Variants in AKAP6 observed in about 807,000 individuals in gnomAD.
AKAP6 encodes the protein A-kinase anchor protein 6.
In AKAP6, 58 loss-of-function variants were observed where a neutral mutation model predicts 188.5. That is an observed-to-expected ratio of 0.31 (90% CI 0.25 to 0.38). The LOEUF (loss-of-function observed/expected upper bound fraction) is 0.38. AKAP6 is among the 10% of genes least tolerant of loss of function. AKAP6 has a pLI of 1.00. For missense variants in AKAP6, 2,710 were observed against 2,740.0 expected (o/e 0.99, Z 0.24); for synonymous variants, 989 against 998.6 (o/e 0.99, Z 0.18).
Position 32,683,152 on chromosome 14 carries a change from C to A in AKAP6, c.2879+4693C>A, listed in dbSNP as rs146621536. On this transcript the variant is annotated intron_variant, in intron 8 of 13. Coordinates refer to ENST00000280979, the MANE Select transcript of AKAP6 (RefSeq NM_004274.5). The stretch of plus-strand genomic sequence containing the variant: ...GGGATTACAGGTGCACACCACCATG[C>A]CTGGCTAATTTTTGTATTTTTAGTA... Among the ~76,000 whole-genome samples the A allele has an allele frequency of 6.5e-3, 988 of 152,096 alleles. 14 individuals carry two copies. Among genetic ancestry groups the A allele is most frequent in the African/African-American group, 0.023 (953 of 41,478 alleles).
chr14:32,482,374 T>C (rs1594661103), intron 2 of AKAP6, among the ~76,000 whole-genome samples: 1 of 149,082 alleles, frequency 6.7e-6, no homozygotes, highest in Non-Finnish European at 1.5e-5. Context: ...ACTTTTGAGC[T>C]TTTGCACTTG....
chr14:32,509,165 C>T (rs1357946688), intron 2 of AKAP6, among the ~76,000 whole-genome samples: 1 of 113,108 alleles, frequency 8.8e-6, no homozygotes. Context: ...TGCTCTGTCT[C>T]CAAGGCTGGA....
chr14:32,353,213 C>A (rs1193272674), intron 1 of AKAP6, among the ~76,000 whole-genome samples: 5 of 152,110 alleles, frequency 3.3e-5, no homozygotes, highest in African/African-American at 7.2e-5. Context: ...AATTGGTACA[C>A]CCTTCTTTAC....
intron 10 of AKAP6, chr14:32,734,414 T>C (rs951543201): frequency 6.6e-6 from 1 of 152,158 alleles, no homozygotes; most frequent in Admixed American, 6.6e-5. Flanking sequence ...TCTGTCTCAA[T>C]TGCATATTAA....
At chr14:32,550,666 G>C (rs1024714064) in intron 4 of AKAP6, among the ~76,000 whole-genome samples, 1 of 152,204 alleles carries the variant, frequency 6.6e-6, no homozygotes, top group African/African-American at 2.4e-5. Context: ...TAGTGACCCA[G>C]AGAACCCATT....
At chr14:32,692,322 T>G (rs1890217265) in intron 8 of AKAP6, among the ~76,000 whole-genome samples, 1 of 152,214 alleles carries the variant, frequency 6.6e-6, no homozygotes, top group Non-Finnish European at 1.5e-5. Context: ...AAAATTCCCA[T>G]GCTTCAGAAC....
intron 1 of AKAP6, among the ~76,000 whole-genome samples, chr14:32,419,968 C>G (rs539370706): frequency 6.6e-6 from 1 of 152,244 alleles, no homozygotes; most frequent in African/African-American, 2.4e-5. Context: ...CTAATGCACT[C>G]TATCTCCTTA....
In AKAP6 at chr14:32,769,748, A is replaced by G. The variant is rs74041699; in HGVS notation, c.3373-3930A>G. ...TACTTAGTTTTGGTGTTTTTAAAGT[A>G]TTATTTTCCTTCTCATCTCTCTTTT... On this transcript the variant is annotated intron_variant, in intron 11 of 13. Transcript: ENST00000280979. Among the ~76,000 whole-genome samples, 670 of 152,068 alleles carry G rather than the reference A, an allele frequency of 4.4e-3. 2 individuals are homozygous for G. Among genetic ancestry groups the G allele is most frequent in the Middle Eastern group, 0.017 (5 of 294 alleles).
intron 9 of AKAP6, among the ~76,000 whole-genome samples, chr14:32,711,704 G>A (rs1353879897): frequency 6.6e-6 from 1 of 151,922 alleles, no homozygotes; most frequent in Non-Finnish European, 1.5e-5. Context: ...CAGTGCCCCA[G>A]TTTATGTTAT....
chr14:32,619,032 T>G lies in AKAP6; in HGVS notation c.2730+18240T>G, dbSNP rs374856197. ...TTACCTACTTTTTAATGGGATTATT[T>G]GTTTTTTTTTTCTTGGTTATTTGTG... On this transcript the variant is annotated intron_variant, in intron 7 of 13. Transcript: ENST00000280979. 9.2e-5 allele frequency among the ~76,000 whole-genome samples: 14 copies of G among 152,086 alleles called. No individual in the cohort carries two copies. The East Asian group carries it at 2.3e-3, about 25-fold the overall frequency.
At position 32,708,549 on chromosome 14, in the gene AKAP6, T is replaced by C. The variant is rs148330992; in HGVS notation, c.3000+12439T>C. ...AATACCAGGAGAGGGCTGAAACACT[T>C]TTGAAACTTTCTCCCACATTTTCAT... On this transcript the variant is annotated intron_variant, in intron 9 of 13. Coordinates refer to ENST00000280979, the MANE Select transcript of AKAP6 (RefSeq NM_004274.5). Among the ~76,000 whole-genome samples, 729 of 152,210 alleles carry C rather than the reference T, an allele frequency of 4.8e-3. 10 individuals are homozygous for C. The East Asian group carries it at 0.066, about 14-fold the overall frequency.
intron 1 of AKAP6, among the ~76,000 whole-genome samples, chr14:32,391,650 A>C (rs916882318): frequency 3.3e-5 from 5 of 152,042 alleles, no homozygotes; most frequent in Non-Finnish European, 7.4e-5. Context: ...CTCTCTTGAG[A>C]TCTGGTTGTT....
chr14:32,538,918 G>A (rs1882800758), intron 3 of AKAP6, among the ~76,000 whole-genome samples: 1 of 152,060 alleles, frequency 6.6e-6, no homozygotes, highest in Non-Finnish European at 1.5e-5. Flanking sequence ...AAATCTAGGT[G>A]TACTTAAATA....
At chr14:32,761,277 A>G (rs2032527996) in intron 11 of AKAP6, among the ~76,000 whole-genome samples, 1 of 151,990 alleles carries the variant, frequency 6.6e-6, no homozygotes. Flanking sequence ...CTCTTCCTGC[A>G]TTCTTGTTAT....
intron 2 of AKAP6, among the ~76,000 whole-genome samples, chr14:32,512,955 A>G (rs551203642): frequency 4.7e-4 from 72 of 152,310 alleles, no homozygotes; most frequent in African/African-American, 1.7e-3. Context: ...GTTGCAATAA[A>G]CCCTAAGGAA....
At chr14:32,439,169 C>T (rs537221515) in intron 2 of AKAP6, 1 of 152,304 alleles carries the variant, frequency 6.6e-6, no homozygotes, top group South Asian at 2.1e-4. Flanking sequence ...TGGGCTGTAC[C>T]CAGACTGAGA....
At chr14:32,573,729 A>T (rs1014708001) in intron 4 of AKAP6, among the ~76,000 whole-genome samples, 1 of 152,242 alleles carries the variant, frequency 6.6e-6, no homozygotes, top group Admixed American at 6.5e-5. Flanking sequence ...AATAATTTTT[A>T]AATTTTTTTT....
intron 1 of AKAP6, among the ~76,000 whole-genome samples, chr14:32,399,839 C>T (rs917051685): frequency 1.3e-5 from 2 of 152,104 alleles, no homozygotes; most frequent in African/African-American, 4.8e-5. Flanking sequence ...TTTTATAGCT[C>T]TTCCTGATAA....
intron 12 of AKAP6, among the ~76,000 whole-genome samples, chr14:32,787,885 C>T (rs2033472534): frequency 6.6e-6 from 1 of 151,814 alleles, no homozygotes; most frequent in South Asian, 2.1e-4. Flanking sequence ...GCCCTCCCTC[C>T]TGTTTCCACT....
Sources: gnomAD v4.1 joint callset for allele counts (sites outside exome capture counted in the v4.1 genomes callset) on GRCh38, gnomAD v4.1.1 for gene constraint, MANE v1.5 for transcripts, NCBI Gene and HGNC (gene_info 2026-07-23, HGNC 2026-07-21) for gene names.